Variants in COG3 observed in about 807,000 individuals in gnomAD.
COG3 encodes the protein component of oligomeric golgi complex 3.
In COG3, 32 loss-of-function variants were observed where a neutral mutation model predicts 114.1. The ratio of observed to expected loss-of-function variants is 0.28; its 90% confidence interval spans 0.21 to 0.38. The LOEUF is 0.38. Ranked by LOEUF, COG3 falls within the 10% of genes least tolerant of loss-of-function variation. The probability of loss-of-function intolerance (pLI) is 1.00; values close to 1 mark genes in which losing one functional copy is unlikely to be tolerated. For synonymous variants in COG3, 352 were observed against 365.7 expected (o/e 0.96, Z 0.43); for missense variants, 813 against 973.2 (o/e 0.84, Z 2.19).
At chr13:45,475,424 A>C (rs538013935) in intron 1 of COG3, among the ~76,000 whole-genome samples, 1 of 151,740 alleles carries the variant, frequency 6.6e-6, no homozygotes, top group Non-Finnish European at 1.5e-5. Flanking sequence ...GGCTGGTCTC[A>C]AATTCCTGGG....
intron 13 of COG3, 133 bp downstream of exon 13, chr13:45,496,445 C>G (rs1868787473): frequency 1.6e-6 from 1 of 627,712 alleles, no homozygotes; most frequent in Non-Finnish European, 2.2e-6. Flanking sequence ...GTCTCGAACT[C>G]CTGAGCTCAA....
chr13:45,530,165 C>CA (rs1443151879), intron 21 of COG3, among the ~76,000 whole-genome samples: 1 of 151,726 alleles, frequency 6.6e-6, no homozygotes, highest in East Asian at 1.9e-4. Flanking sequence ...GTAAATAAAC[C>CA]AAAAAAAATC....
rs1555295082 is a variant in COG3, at chr13:45,486,339, C to CGGGAGAGGGAGA, written c.844-137_844-126dup. 6.3e-3 allele frequency among the ~76,000 whole-genome samples: 346 copies of CGGGAGAGGGAGA among 55,106 alleles called. 19 individuals carry two copies. Among genetic ancestry groups the CGGGAGAGGGAGA allele is most frequent in the Middle Eastern group, 0.021 (2 of 94 alleles). The allele number at this position is 55,106 out of a possible 152,430, so 36.2% of individuals were successfully genotyped here. On this transcript the variant is annotated intron_variant, in intron 7 of 22. Transcript: ENST00000349995. ...GAGACGGGAGACGGGAGACGGGAGA[C>CGGGAGAGGGAGA]GGGAGAGGGAGAGGGAGAGGGAGAG...
intron 19 of COG3, among the ~76,000 whole-genome samples, chr13:45,522,862 CT>C (rs1015926140): frequency 9.9e-5 from 15 of 152,152 alleles, no homozygotes; most frequent in Non-Finnish European, 2.2e-4. Context: ...GAAACAAACT[CT>C]TAAGTAGGAC....
chr13:45,518,355 G>T (rs1008445538), intron 17 of COG3, among the ~76,000 whole-genome samples: 1 of 152,162 alleles, frequency 6.6e-6, no homozygotes, highest in African/African-American at 2.4e-5. Context: ...CTTCTTGGCT[G>T]ACACATTAGT....
intron 8 of COG3, among the ~76,000 whole-genome samples, chr13:45,489,799 C>T (rs924436508): frequency 1.4e-5 from 2 of 144,306 alleles, no homozygotes; most frequent in African/African-American, 5.1e-5. Context: ...AGAATGTACT[C>T]CTAGCAAAAA....
intron 20 of COG3, among the ~76,000 whole-genome samples, chr13:45,526,034 T>G (rs1295229094): frequency 2.0e-5 from 3 of 148,830 alleles, no homozygotes; most frequent in African/African-American, 7.4e-5. Context: ...TCATTTTCTT[T>G]GGGAAAAAGG....
intron 8 of COG3, among the ~76,000 whole-genome samples, chr13:45,487,111 A>T (rs1313930237): frequency 6.6e-6 from 1 of 152,168 alleles, no homozygotes; most frequent in African/African-American, 2.4e-5. Context: ...AAATGCATGC[A>T]TTTTCAGCCA....
At chr13:45,508,068 T>TAAAAAAAAAAAAAAAAAAAAAAA (rs10571583) in intron 14 of COG3, among the ~76,000 whole-genome samples, 3 of 32,258 alleles carry the variant, frequency 9.3e-5, no homozygotes, top group African/African-American at 3.8e-4. Context: ...AGGTCCAACC[T>TAAAAAAAAAAAAAAAAAAAAAAA]AAAAAAAAAA....
chr13:45,481,143 G>A (rs1035539354), intron 4 of COG3, 87 bp from the exon 5 acceptor site: 8 of 739,982 alleles, frequency 1.1e-5, no homozygotes, highest in Non-Finnish European at 1.9e-5. Flanking sequence ...TGTGTCTAAT[G>A]TAAATCTGTT....
chr13:45,487,569 G>A (rs1012834993), intron 8 of COG3, among the ~76,000 whole-genome samples: 3 of 152,078 alleles, frequency 2.0e-5, no homozygotes, highest in Non-Finnish European at 4.4e-5. Context: ...TAAAAAGTAG[G>A]CAAAGAGACT....
At position 45,519,011 on chromosome 13, in the gene COG3, C is replaced by G; in HGVS notation, c.2071C>G (p.Arg691Gly). 1.9e-6 allele frequency: 3 copies of G among 1,614,062 alleles called. No individual in the cohort carries two copies. Among genetic ancestry groups the G allele is most frequent in the Non-Finnish European group, 1.7e-6 (2 of 1,179,962 alleles). The stretch of plus-strand genomic sequence containing the variant: ...TCTTGACTCTAAAAAAGACGTAGAC[C>G]GTCATCTGAAATCGGCCTGTGAGCA... ...HYLDSKKDVD[R>G]HLKSACEQFI... The change falls in exon 19 of 23, where the codon CGT (arginine) becomes GGT (glycine). Residue 691 changes from arginine to glycine, a missense_variant. By Grantham distance (125) the Arg-to-Gly change is moderately radical (BLOSUM62 -2). Transcript: ENST00000349995.
At chr13:45,482,214 T>C (rs970201383) in intron 5 of COG3, among the ~76,000 whole-genome samples, 167 bp from the exon 6 acceptor site, 5 of 152,300 alleles carry the variant, frequency 3.3e-5, no homozygotes, top group South Asian at 2.1e-4. Flanking sequence ...TTGTCCCTTC[T>C]TTATTGTACA....
chr13:45,506,695 G>C (rs925444849), intron 14 of COG3, among the ~76,000 whole-genome samples: 2 of 152,174 alleles, frequency 1.3e-5, no homozygotes, highest in African/African-American at 4.8e-5. Flanking sequence ...TGGAAAGCAA[G>C]GCTCTGAGTC....
Position 45,518,764 on chromosome 13 carries a change from G to A in COG3, c.1933G>A (p.Ala645Thr). Residue 645 changes from alanine to threonine, a missense_variant and splice_region_variant, in exon 18 of 23, where the codon GCA becomes ACA. Ala to Thr is a moderately conservative substitution (Grantham distance 58, BLOSUM62 0). Around this residue, in one of 2 missense-constraint regions of COG3, gnomAD observed 389 missense variants for 542.6 expected, o/e 0.72. Coordinates refer to ENST00000349995, the MANE Select transcript of COG3 (RefSeq NM_031431.4). ...GGATGAGTAATTTTGTTTCACAGAT[G>A]CAGCATTTAAAATCCTGAACCCTAT... ...ISLDLKKTRD[A>T]AFKILNPMTV... 6.2e-7 allele frequency: 1 copy of A among 1,610,766 alleles called. No individual in the cohort carries two copies. The highest frequency in any genetic ancestry group is 8.5e-7 in the Non-Finnish European group (1 of 1,178,324).
Position 45,481,312 on chromosome 13 carries a change from T to C in COG3, c.624+8T>C. The C allele has an allele frequency of 6.9e-7, 1 of 1,442,418 alleles. No homozygotes were observed. The highest frequency in any genetic ancestry group is 9.7e-7 in the Non-Finnish European group (1 of 1,031,142). The allele number at this position is 1,442,418 out of a possible 1,614,324, so 89.4% of individuals were successfully genotyped here. On this transcript the variant is annotated splice_region_variant and intron_variant, in intron 5 of 22. Coordinates refer to ENST00000349995, the MANE Select transcript of COG3 (RefSeq NM_031431.4). ...TTGGAAACTATTAACACAGTAAGCA[T>C]TGTTCTTTACTTCTTATAAAGTTAG...
At position 45,516,399 on chromosome 13, in the gene COG3, C is replaced by T. The variant is rs1871547050; in HGVS notation, c.1930+136C>T. ...TTGCTAAATATGTTATTTGTTCGTA[C>T]TAAGCTGAGCTGTCACCATGCTAAT... On this transcript the variant is annotated intron_variant, in intron 17 of 22. Coordinates refer to ENST00000349995, the MANE Select transcript of COG3 (RefSeq NM_031431.4). The T allele has an allele frequency of 4.6e-6, 3 of 656,628 alleles. No individual in the cohort carries two copies. The South Asian group carries it at 1.6e-4, about 36-fold the overall frequency. 40.7% of individuals were successfully genotyped at this position (656,628 alleles called of 1,614,324 possible). A position where few individuals can be genotyped will look rare whatever the true frequency, so the allele number is the denominator to read the frequency against.
rs575358783 is a variant in COG3, at chr13:45,497,832, T to C, written c.1488+1520T>C. Among the ~76,000 whole-genome samples the C allele has an allele frequency of 4.4e-5, 5 of 113,800 alleles. No homozygotes were observed. The South Asian group carries it at 1.4e-3, about 32-fold the overall frequency. 74.7% of individuals were successfully genotyped at this position (113,800 alleles called of 152,430 possible). A position where few individuals can be genotyped will look rare whatever the true frequency, so the allele number is the denominator to read the frequency against. On this transcript the variant is annotated intron_variant, in intron 13 of 22. Transcript: ENST00000349995. ...AACAACAACAACAAAGTATGACCACTCAAGGCTAAGCAGGACGGAATATAA... is the reference window on the plus strand; with the variant it reads ...AACAACAACAACAAAGTATGACCACCCAAGGCTAAGCAGGACGGAATATAA...
At chr13:45,503,580 A>G (rs1869780967) in intron 14 of COG3, among the ~76,000 whole-genome samples, 1 of 152,114 alleles carries the variant, frequency 6.6e-6, no homozygotes, top group African/African-American at 2.4e-5. Flanking sequence ...GCGAAGGGAG[A>G]TGAGCTCTGA....
Sources: allele counts gnomAD v4.1 joint callset (sites outside exome capture counted in the v4.1 genomes callset), GRCh38; gene constraint gnomAD v4.1.1; regional missense constraint gnomAD v4.1.1; transcripts MANE v1.5; gene names NCBI Gene and HGNC (gene_info 2026-07-23, HGNC 2026-07-21).